ATP2B1: variants seen among roughly 807,000 people sequenced by gnomAD.
The protein encoded by ATP2B1 is plasma membrane calcium-transporting ATPase 1.
In ATP2B1, 14 loss-of-function variants were observed where a neutral mutation model predicts 124.2. The observed-to-expected ratio is 0.11, with a 90% CI of 0.07 to 0.18. The LOEUF is 0.18. Ranked by LOEUF, ATP2B1 falls within the 10% of genes least tolerant of loss-of-function variation. The pLI, the probability that ATP2B1 is intolerant of heterozygous loss-of-function variation, is 1.00. For synonymous variants in ATP2B1, 449 were observed against 492.4 expected, an observed-to-expected ratio of 0.91 and a Z score of 1.17; for missense variants, 763 against 1,466.1, an observed-to-expected ratio of 0.52 and a Z score of 7.83.
intron 1 of ATP2B1, among the ~76,000 whole-genome samples, chr12:89,680,161 GA>G (rs1426946051): frequency 6.6e-6 from 1 of 152,090 alleles, no homozygotes; most frequent in African/African-American, 2.4e-5. Context: ...ACTGGAGGAA[GA>G]AAACAGAAAA....
At chr12:89,635,278 T>C (rs765209127) in intron 3 of ATP2B1, 27 bp from the exon 4 acceptor site, 3 of 1,597,852 alleles carry the variant, frequency 1.9e-6, no homozygotes, top group Non-Finnish European at 1.7e-6. Context: ...AAAATGCTTA[T>C]CAAAAAGATT....
At chr12:89,649,010 G>T (rs538750060) in intron 2 of ATP2B1, among the ~76,000 whole-genome samples, 1 of 152,264 alleles carries the variant, frequency 6.6e-6, no homozygotes, top group Non-Finnish European at 1.5e-5. Context: ...AGGCTTGGCA[G>T]TTTTCCCCTA....
rs780814945 is a variant in ATP2B1 at position 89,642,138 on chromosome 12, T to C, written c.406+20A>G. On this transcript the variant is annotated intron_variant, in intron 3 of 20. Transcript: ENST00000428670. ...GCTGAACTAGCATCAGACATGTCTT[T>C]TTTCCCCCCATTTACTTACGTGCAT... The C allele has an allele frequency of 6.9e-6, 11 of 1,592,850 alleles. No homozygotes were observed. The highest frequency in any genetic ancestry group is 9.4e-6 in the Non-Finnish European group (11 of 1,164,846).
intron 2 of ATP2B1, among the ~76,000 whole-genome samples, chr12:89,654,001 G>T (rs564177520): frequency 3.9e-5 from 6 of 152,250 alleles, no homozygotes; most frequent in African/African-American, 1.4e-4. Context: ...TATATTGAGG[G>T]CTCCTTAATG....
chr12:89,693,956 T>C (rs1364760755), intron 1 of ATP2B1, among the ~76,000 whole-genome samples: 1 of 152,210 alleles, frequency 6.6e-6, no homozygotes, highest in Non-Finnish European at 1.5e-5. Context: ...TCTTCTTCTA[T>C]TTCTGCTTTC....
At chr12:89,669,854 T>C (rs1887733685) in intron 1 of ATP2B1, among the ~76,000 whole-genome samples, 1 of 152,134 alleles carries the variant, frequency 6.6e-6, no homozygotes, top group Non-Finnish European at 1.5e-5. Context: ...TTCAGTTCAG[T>C]ATATGAATGT....
At chr12:89,697,201 G>C (rs1022807659) in intron 1 of ATP2B1, among the ~76,000 whole-genome samples, 7 of 152,220 alleles carry the variant, frequency 4.6e-5, no homozygotes, top group African/African-American at 1.7e-4. Context: ...CTCTTATCAG[G>C]CAGTGGGCTA....
At chr12:89,668,884 C>T (rs1887605234) in intron 1 of ATP2B1, among the ~76,000 whole-genome samples, 1 of 152,170 alleles carries the variant, frequency 6.6e-6, no homozygotes, top group Non-Finnish European at 1.5e-5. Flanking sequence ...CTCCTACTGT[C>T]ATACTAAAGA....
At chr12:89,597,317 T>C (rs1213331964) in intron 20 of ATP2B1, among the ~76,000 whole-genome samples, 1 of 152,186 alleles carries the variant, frequency 6.6e-6, no homozygotes, top group African/African-American at 2.4e-5. Context: ...AGAAGAGTTC[T>C]AGCTGTCCCT....
intron 1 of ATP2B1, among the ~76,000 whole-genome samples, chr12:89,693,758 T>C (rs1196089089): frequency 6.6e-6 from 1 of 152,234 alleles, no homozygotes; most frequent in Non-Finnish European, 1.5e-5. Context: ...ATTTAAAATA[T>C]GAATAAATAC....
chr12:89,680,734 G>GTCCA (rs1889236608), intron 1 of ATP2B1, among the ~76,000 whole-genome samples: 1 of 151,806 alleles, frequency 6.6e-6, no homozygotes, highest in African/African-American at 2.4e-5. Flanking sequence ...TAATGAAAGG[G>GTCCA]TCCACTGTAT....
At chr12:89,634,166 T>C (rs1882326529) in intron 5 of ATP2B1, among the ~76,000 whole-genome samples, 1 of 152,146 alleles carries the variant, frequency 6.6e-6, no homozygotes, top group South Asian at 2.1e-4. Flanking sequence ...TATCCTTCCC[T>C]TCTCCAATCC....
At chr12:89,705,805 T>A (rs929541325) in intron 1 of ATP2B1, among the ~76,000 whole-genome samples, 5 of 152,050 alleles carry the variant, frequency 3.3e-5, no homozygotes, top group African/African-American at 1.2e-4. Context: ...CATCTCAGAG[T>A]TTTTGGCTAA....
intron 19 of ATP2B1, 28 bp downstream of exon 19, chr12:89,601,297 GT>G (rs1565802197): frequency 6.9e-7 from 1 of 1,443,688 alleles, no homozygotes; most frequent in South Asian, 1.3e-5. Flanking sequence ...ATCACTTTAG[GT>G]TTAAACAAAA....
intron 1 of ATP2B1, among the ~76,000 whole-genome samples, chr12:89,702,646 T>C (rs1197473950): frequency 6.6e-6 from 1 of 152,228 alleles, no homozygotes; most frequent in African/African-American, 2.4e-5. Flanking sequence ...TTATCAGGTC[T>C]GTACAGTAGT....
chr12:89,619,861 C>T, intron 11 of ATP2B1, 138 bp downstream of exon 11: 1 of 1,101,084 alleles, frequency 9.1e-7, no homozygotes, highest in Non-Finnish European at 1.3e-6. Flanking sequence ...ATCTGGATAC[C>T]ATAAAATATG....
At chr12:89,624,693 A>AG (rs1386004679) in intron 8 of ATP2B1, among the ~76,000 whole-genome samples, 1 of 152,226 alleles carries the variant, frequency 6.6e-6, no homozygotes, top group South Asian at 2.1e-4. Context: ...CGCAATGATA[A>AG]GGAAGTATCC....
At chr12:89,702,590 CTTT>C (rs925125866) in intron 1 of ATP2B1, among the ~76,000 whole-genome samples, 17 of 152,130 alleles carry the variant, frequency 1.1e-4, no homozygotes, top group African/African-American at 4.1e-4. Context: ...GTCAAATCTT[CTTT>C]AAGACCTATT....
intron 15 of ATP2B1, among the ~76,000 whole-genome samples, chr12:89,605,027 TAATAA>T (rs1254502683): frequency 6.6e-6 from 1 of 152,166 alleles, no homozygotes; most frequent in Non-Finnish European, 1.5e-5. Flanking sequence ...AATTGTGGAT[TAATAA>T]AATGAGTGAA....
Sources: gnomAD v4.1 joint callset for allele counts (sites outside exome capture counted in the v4.1 genomes callset) on GRCh38, gnomAD v4.1.1 for gene constraint, MANE v1.5 for transcripts, NCBI Gene and HGNC (gene_info 2026-07-23, HGNC 2026-07-21) for gene names.